The following SCAPER variants were observed in gnomAD, a reference collection of about 807,000 sequenced individuals.
The protein encoded by SCAPER is S-phase cyclin A associated protein in the ER.
In SCAPER, 98 loss-of-function variants were observed where a neutral mutation model predicts 182.2. The observed-to-expected ratio is 0.54, with a 90% CI of 0.46 to 0.64. The LOEUF (loss-of-function observed/expected upper bound fraction) is 0.64, where lower values mean the gene tolerates loss of function less well. SCAPER is among the 30% of genes least tolerant of loss of function. The pLI is 0.00. For synonymous variants in SCAPER, 605 were observed against 564.6 expected, an observed-to-expected ratio of 1.07 and a Z score of -1.01; for missense variants, 1,432 against 1,690.0, an observed-to-expected ratio of 0.85 and a Z score of 2.68.
At chr15:76,724,562 C>T (rs1211079270) in intron 17 of SCAPER, among the ~76,000 whole-genome samples, 1 of 152,138 alleles carries the variant, frequency 6.6e-6, no homozygotes, top group Non-Finnish European at 1.5e-5. Context: ...TTCAGGTACA[C>T]CAATGAGACG....
intron 20 of SCAPER, among the ~76,000 whole-genome samples, chr15:76,666,597 T>C (rs947092384): frequency 1.3e-5 from 2 of 152,204 alleles, no homozygotes; most frequent in Non-Finnish European, 2.9e-5. Flanking sequence ...ACTTTAAATT[T>C]ATGAAATTAC....
chr15:76,352,573 C>T lies in SCAPER; in HGVS notation c.4048-1285G>A, dbSNP rs1038874641. 1.3e-4 allele frequency among the ~76,000 whole-genome samples: 19 copies of T among 151,630 alleles called. 1 individual carries two copies. The highest frequency in any genetic ancestry group is 4.1e-4 in the African/African-American group (17 of 41,298). ...CTTGGCTCACTGCAACCTCTGCCTC[C>T]CAGGTTCAAGCTACTCTCCTGCCTC... On this transcript the variant is annotated intron_variant, in intron 30 of 31. Coordinates refer to ENST00000563290, the MANE Select transcript of SCAPER (RefSeq NM_020843.4).
Position 76,794,419 on chromosome 15 carries a change from T to C in SCAPER, c.772+861A>G, listed in dbSNP as rs567077799. On this transcript the variant is annotated intron_variant, in intron 8 of 31. Coordinates refer to ENST00000563290, the MANE Select transcript of SCAPER (RefSeq NM_020843.4). The stretch of plus-strand genomic sequence containing the variant: ...TTCCTACCTCTTCCTAAAAGAAGTC[T>C]TGCCTACAGTCAATTGTCTACTACT... Among the ~76,000 whole-genome samples, 7 of 152,340 alleles carry C rather than the reference T, an allele frequency of 4.6e-5. No homozygotes were observed. The South Asian group carries it at 1.5e-3, about 32-fold the overall frequency.
At chr15:76,672,034 G>A (rs965964880) in intron 20 of SCAPER, among the ~76,000 whole-genome samples, 1 of 152,170 alleles carries the variant, frequency 6.6e-6, no homozygotes, top group African/African-American at 2.4e-5. Context: ...GTGGAGGGCA[G>A]CCCTTATGAC....
rs1313281444 is a variant in SCAPER at position 76,348,009 on chromosome 15, C to A, written c.*624G>T. On this transcript the variant is annotated 3_prime_UTR_variant, in exon 32 of 32. Coordinates refer to ENST00000563290, the MANE Select transcript of SCAPER (RefSeq NM_020843.4). ...CACATCTTTTTTATCACTAATTTTT[C>A]CTTAGGAGAGTAATTTCAGCTCGGC... 6.6e-6 allele frequency: 1 copy of A among 152,190 alleles called. No individual in the cohort carries two copies. The highest frequency in any genetic ancestry group is 1.5e-5 in the Non-Finnish European group (1 of 68,046). 9.4% of individuals were successfully genotyped at this position (152,190 alleles called of 1,614,324 possible).
intron 1 of SCAPER, among the ~76,000 whole-genome samples, chr15:76,902,713 C>T (rs150041454): frequency 6.5e-4 from 99 of 152,232 alleles, no homozygotes; most frequent in African/African-American, 2.2e-3. Context: ...CATGTGATTC[C>T]CAAAGAAGTT....
At chr15:76,851,688 G>A (rs2151833219) in intron 4 of SCAPER, among the ~76,000 whole-genome samples, 1 of 152,274 alleles carries the variant, frequency 6.6e-6, no homozygotes, top group South Asian at 2.1e-4. Context: ...CTTGAAAGCA[G>A]CACAAAATAT....
At chr15:76,804,045 G>A (rs551855884) in intron 6 of SCAPER, among the ~76,000 whole-genome samples, 170 of 152,174 alleles carry the variant, frequency 1.1e-3, no homozygotes, top group African/African-American at 3.9e-3. Flanking sequence ...AAGAAATACT[G>A]TATCTTTCCC....
chr15:76,811,213 A>T (rs1281931185), intron 5 of SCAPER, among the ~76,000 whole-genome samples: 2 of 152,100 alleles, frequency 1.3e-5, no homozygotes, highest in Non-Finnish European at 2.9e-5. Flanking sequence ...TCTCAAGTGC[A>T]CACATATTTT....
intron 5 of SCAPER, among the ~76,000 whole-genome samples, chr15:76,817,287 A>G (rs945286327): frequency 2.0e-5 from 3 of 152,250 alleles, no homozygotes; most frequent in Admixed American, 6.5e-5. Context: ...CCTCAAGGAC[A>G]TTGTGCTATG....
chr15:76,376,438 C>G, intron 28 of SCAPER, 127 bp from the exon 29 acceptor site: 1 of 1,008,918 alleles, frequency 9.9e-7, no homozygotes, highest in Non-Finnish European at 1.4e-6. Flanking sequence ...TTCTACAGTA[C>G]TATGCTTAAT....
chr15:76,605,951 C>T (rs2050352129), intron 22 of SCAPER, among the ~76,000 whole-genome samples: 1 of 152,016 alleles, frequency 6.6e-6, no homozygotes, highest in South Asian at 2.1e-4. Flanking sequence ...ATCAATTTTG[C>T]TGATCTTTTC....
At chr15:76,839,867 T>A (rs1340063409) in intron 5 of SCAPER, among the ~76,000 whole-genome samples, 2 of 152,176 alleles carry the variant, frequency 1.3e-5, no homozygotes, top group African/African-American at 4.8e-5. Flanking sequence ...AATTGGTCAA[T>A]CTCACTTTAC....
intron 25 of SCAPER, among the ~76,000 whole-genome samples, chr15:76,448,284 A>G (rs765603304): frequency 5.3e-5 from 8 of 152,254 alleles, no homozygotes; most frequent in South Asian, 2.1e-4. Context: ...GAAGGAGGCT[A>G]TTATATTACT....
chr15:76,672,721 T>C (rs535847723), intron 20 of SCAPER, among the ~76,000 whole-genome samples: 2 of 152,134 alleles, frequency 1.3e-5, no homozygotes, highest in Non-Finnish European at 2.9e-5. Flanking sequence ...ATCCAGATAA[T>C]AGGAGTTCTT....
At chr15:76,382,749 G>A (rs145695740) in intron 27 of SCAPER, among the ~76,000 whole-genome samples, 24 of 152,236 alleles carry the variant, frequency 1.6e-4, no homozygotes, top group Admixed American at 7.2e-4. Context: ...GATGCCACAC[G>A]TCACAATCAG....
chr15:76,850,838 C>A (rs188897005), intron 4 of SCAPER, among the ~76,000 whole-genome samples: 2 of 125,492 alleles, frequency 1.6e-5, no homozygotes, highest in African/African-American at 3.0e-5. Flanking sequence ...CCAGCCTGGG[C>A]GAAAGAGCAA....
chr15:76,716,517 GA>G (rs1262294301), intron 17 of SCAPER, among the ~76,000 whole-genome samples: 3 of 151,664 alleles, frequency 2.0e-5, no homozygotes, highest in Non-Finnish European at 4.4e-5. Flanking sequence ...ATGAACAAAG[GA>G]AACTCAGTGA....
intron 2 of SCAPER, 34 bp from the exon 3 acceptor site, chr15:76,862,567 T>TC: frequency 6.2e-6 from 8 of 1,298,460 alleles, no homozygotes; most frequent in Non-Finnish European, 8.7e-6. Flanking sequence ...TATTAGATTA[T>TC]TAGATAAGTC....
Sources: allele counts gnomAD v4.1 joint callset (sites outside exome capture counted in the v4.1 genomes callset), GRCh38; gene constraint gnomAD v4.1.1; transcripts MANE v1.5; gene names NCBI Gene and HGNC (gene_info 2026-07-23, HGNC 2026-07-21).